Variants in MGAM2 observed in about 807,000 individuals in gnomAD.
The protein encoded by MGAM2 is maltase-glucoamylase 2 (putative), also known as probable maltase-glucoamylase 2.
In MGAM2, 98 loss-of-function variants were observed where a neutral mutation model predicts 96.1. The ratio of observed to expected loss-of-function variants is 1.02; its 90% confidence interval spans 0.87 to 1.21. The LOEUF is 1.21. MGAM2 is among the 50% of genes most tolerant of loss of function. The pLI is 0.00. For synonymous variants in MGAM2, 749 were observed against 414.8 expected (o/e 1.81, Z -9.79); for missense variants, 2,055 against 1,182.4 (o/e 1.74, Z -10.82).
Position 142,167,248 on chromosome 7 carries a change from A to G in MGAM2, c.2809-20A>G. ...AGTGTTGTATCAGAGGCTGAGCAAG[A>G]CTTTCTCCTGTTATTCCAGGACACA... On this transcript the variant is annotated intron_variant, in intron 25 of 47. Transcript: ENST00000477922. 1.5e-6 allele frequency: 1 copy of G among 666,022 alleles called. No homozygotes were observed. The allele number at this position is 666,022 out of a possible 1,614,324, so 41.3% of individuals were successfully genotyped here.
Position 142,185,561 on chromosome 7 carries a change from C to G in MGAM2, c.3987+422C>G, listed in dbSNP as rs376939340. On this transcript the variant is annotated intron_variant, in intron 34 of 47. Coordinates refer to ENST00000477922, the MANE Select transcript of MGAM2 (RefSeq NM_001293626.2). ...ATCTCAGCCTGGTCATCTAGCATCCCCTCTACTCTGGAGTTCACTTGCCCC... is the reference window on the plus strand; with the variant it reads ...ATCTCAGCCTGGTCATCTAGCATCCGCTCTACTCTGGAGTTCACTTGCCCC... Among the ~76,000 whole-genome samples, 62 of 152,194 alleles carry G rather than the reference C, an allele frequency of 4.1e-4. 1 individual carries two copies. Among genetic ancestry groups the G allele is most frequent in the African/African-American group, 1.4e-3 (58 of 41,516 alleles).
chr7:142,132,806 T>C (rs1441400468), intron 6 of MGAM2, among the ~76,000 whole-genome samples: 1 of 127,020 alleles, frequency 7.9e-6, no homozygotes, highest in Non-Finnish European at 1.5e-5. Flanking sequence ...TATAATTATG[T>C]ATAATATAAT....
At position 142,166,249 on chromosome 7, in the gene MGAM2, G is replaced by A. The variant is rs1266730079; in HGVS notation, c.2804G>A (p.Trp935Ter). ...EESCRQRGCL[W>*]EDTSTPGVPT... The stretch of plus-strand genomic sequence containing the variant: ...AGTTGTAGGCAGCGGGGGTGTCTTT[G>A]GGAGGTAAATGACCAGAAACAGATT... Residue 935 changes from tryptophan (W) to a stop codon, truncating the protein, a stop_gained, in exon 25 of 48, where the codon TGG becomes TAG. Transcript: ENST00000477922. LOFTEE classifies it high-confidence loss of function. 2.9e-6 allele frequency: 2 copies of A among 698,600 alleles called. No individual in the cohort carries two copies. Among genetic ancestry groups the A allele is most frequent in the Non-Finnish European group, 5.2e-6 (2 of 383,404 alleles). 43.3% of individuals were successfully genotyped at this position (698,600 alleles called of 1,614,324 possible). A position where few individuals can be genotyped will look rare whatever the true frequency, so the allele number is the denominator to read the frequency against.
intron 17 of MGAM2, among the ~76,000 whole-genome samples, chr7:142,155,504 C>T (rs1324673567): frequency 6.6e-6 from 1 of 152,138 alleles, no homozygotes. Context: ...TGGTTTAGCT[C>T]TTAATAGGTT....
In MGAM2 at chr7:142,167,284, G is replaced by T; in HGVS notation, c.2825G>T (p.Gly942Val). The part of the protein sequence containing the change: ...GCLWEDTSTP[G>V]VPTCYYDTIP... ...TTATTCCAGGACACATCTACTCCTG[G>T]AGTGCCCACCTGTTACTATGACACC... Residue 942 changes from glycine (G) to valine (V), a missense_variant, in exon 26 of 48, where the codon GGA becomes GTA. Physicochemically the swap from Gly to Val is moderately radical, Grantham distance 109. Transcript: ENST00000477922. 1 of 698,236 alleles carries T rather than the reference G, an allele frequency of 1.4e-6. No homozygotes were observed. The highest frequency in any genetic ancestry group is 2.6e-6 in the Non-Finnish European group (1 of 382,112). The allele number at this position is 698,236 out of a possible 1,614,324, so 43.3% of individuals were successfully genotyped here.
At chr7:142,206,958 G>A (rs773663590) in intron 45 of MGAM2, among the ~76,000 whole-genome samples, 4 of 152,196 alleles carry the variant, frequency 2.6e-5, no homozygotes, top group Non-Finnish European at 5.9e-5. Flanking sequence ...AGGCTGTAGT[G>A]TTTGCCCAGG....
chr7:142,164,744 C>A, intron 23 of MGAM2, 112 bp from the exon 24 acceptor site: 1 of 540,652 alleles, frequency 1.8e-6, no homozygotes, highest in East Asian at 3.1e-5. Flanking sequence ...TTTGAAACTG[C>A]AGAGAAAAGG....
In MGAM2 at chr7:142,148,270, C is replaced by CTA. The variant is rs1326128293; in HGVS notation, c.1634+697_1634+698insTA. Among the ~76,000 whole-genome samples, 1 of 151,418 alleles carries CTA rather than the reference C, an allele frequency of 6.6e-6. No individual in the cohort carries two copies. Among genetic ancestry groups the CTA allele is most frequent in the Non-Finnish European group, 1.5e-5 (1 of 67,776 alleles). On this transcript the variant is annotated intron_variant, in intron 15 of 47. Transcript: ENST00000477922. The surrounding 1 kb of genome is among the most constrained non-coding windows in gnomAD (Gnocchi z 4.2). ...ACAGTTATCACCACCATCCCCCCCA[C>CTA]CACCACAATCACTATCACCATCACC... is the stretch of plus-strand genomic sequence containing the variant.
At chr7:142,138,710 C>G in intron 10 of MGAM2, 43 bp downstream of exon 10, 1 of 667,120 alleles carries the variant, frequency 1.5e-6, no homozygotes, top group East Asian at 2.7e-5. Context: ...CACCAATTCC[C>G]ATTTTTATTT....
chr7:142,144,865 T>G lies in MGAM2; in HGVS notation c.1436T>G (p.Met479Arg). 1 of 701,214 alleles carries G rather than the reference T, an allele frequency of 1.4e-6. No individual in the cohort carries two copies. Among genetic ancestry groups the G allele is most frequent in the South Asian group, 1.5e-5 (1 of 67,286 alleles). The allele number at this position is 701,214 out of a possible 1,614,324, so 43.4% of individuals were successfully genotyped here. ...GTGTGTTTTGTGTCTTTGAAGGAAA[T>G]GAATGAAGTATCTAGCTTACTCCAA... ...HLEFDGVWIE[M>R]NEVSSLLQAS... The change falls in exon 14 of 48, where the codon ATG becomes AGG. Residue 479 changes from methionine (M) to arginine (R), a missense_variant. By Grantham distance (91) the Met-to-Arg change is moderately conservative. Coordinates refer to ENST00000477922, the MANE Select transcript of MGAM2 (RefSeq NM_001293626.2).
At chr7:142,201,551 C>G (rs540338702) in intron 45 of MGAM2, among the ~76,000 whole-genome samples, 94 of 152,216 alleles carry the variant, frequency 6.2e-4, no homozygotes, top group Middle Eastern at 6.8e-3. Flanking sequence ...AGTTGTATAG[C>G]CACTACCACA....
At chr7:142,132,602 A>T (rs1322102307) in intron 6 of MGAM2, among the ~76,000 whole-genome samples, 2 of 129,540 alleles carry the variant, frequency 1.5e-5, no homozygotes, top group Admixed American at 1.6e-4. Flanking sequence ...TAATTTATAT[A>T]TTTAATACAT....
At chr7:142,166,034 C>T in intron 24 of MGAM2, 64 bp from the exon 25 acceptor site, 1 of 602,294 alleles carries the variant, frequency 1.7e-6, no homozygotes, top group Admixed American at 2.6e-5. Context: ...GACTTCCAGC[C>T]AAGAACTCTT....
intron 3 of MGAM2, among the ~76,000 whole-genome samples, chr7:142,126,323 T>A (rs141168075): frequency 1.2e-4 from 19 of 152,196 alleles, no homozygotes; most frequent in African/African-American, 4.1e-4. Context: ...AATGGGCCTA[T>A]GTATTTTTAT....
rs144830276 is a variant in MGAM2, at chr7:142,135,723, T to TACACACACACACACACACACAC, written c.748-808_748-787dup. On this transcript the variant is annotated intron_variant, in intron 7 of 47. Coordinates refer to ENST00000477922, the MANE Select transcript of MGAM2 (RefSeq NM_001293626.2). The stretch of plus-strand genomic sequence containing the variant: ...CTTTTATTCTTACAGCACTTAGAGT[T>TACACACACACACACACACACAC]ACACACACACACACACACACACACA... Among the ~76,000 whole-genome samples the TACACACACACACACACACACAC allele has an allele frequency of 1.9e-4, 27 of 145,208 alleles. No homozygotes were observed. The South Asian group carries it at 2.0e-3, about 11-fold the overall frequency.
intron 46 of MGAM2, among the ~76,000 whole-genome samples, chr7:142,216,685 A>G (rs1352333204): frequency 2.0e-5 from 3 of 152,212 alleles, no homozygotes; most frequent in Admixed American, 6.5e-5. Context: ...TCTCAAATCA[A>G]TAAGAACTAG....
intron 37 of MGAM2, among the ~76,000 whole-genome samples, chr7:142,193,486 G>A (rs1229587394): frequency 6.6e-6 from 1 of 152,158 alleles, no homozygotes; most frequent in African/African-American, 2.4e-5. Context: ...TGATGGGAGA[G>A]CTCAGCGTTT....
At chr7:142,141,319 C>T (rs1482759920) in intron 12 of MGAM2, among the ~76,000 whole-genome samples, 200 bp downstream of exon 12, 1 of 151,966 alleles carries the variant, frequency 6.6e-6, no homozygotes, top group Non-Finnish European at 1.5e-5. Context: ...AGCCTTGATC[C>T]TCTAATACCA....
In MGAM2 at chr7:142,221,675, T is replaced by C. The variant is rs1227395924; in HGVS notation, c.7164T>C (p.Ala2388=). The change falls in exon 48 of 48, where the codon GCT becomes GCC. Residue 2388 remains alanine (A), a synonymous_variant. Coordinates refer to ENST00000477922, the MANE Select transcript of MGAM2 (RefSeq NM_001293626.2). ...TCACCACACACATCACACAGTTCGC[T>C]ACTCCCCATTCTGCTACTACTACAA... ...DKFTTHITQF[A]TPHSATTTTL... is the part of the protein sequence containing the mutation. The C allele has an allele frequency of 2.3e-6, 1 of 436,702 alleles. No individual in the cohort carries two copies. The highest frequency in any genetic ancestry group is 4.0e-6 in the Non-Finnish European group (1 of 248,536). 27.1% of individuals were successfully genotyped at this position (436,702 alleles called of 1,614,324 possible).
Sources: gnomAD v4.1 joint callset for allele counts (sites outside exome capture counted in the v4.1 genomes callset) on GRCh38, gnomAD v4.1.1 for gene constraint, Gnocchi (gnomAD v3.1) non-coding constraint, MANE v1.5 for transcripts, NCBI Gene and HGNC (gene_info 2026-07-23, HGNC 2026-07-21) for gene names.